KALRN: variants seen among roughly 807,000 people sequenced by gnomAD.
The protein encoded by KALRN is kalirin RhoGEF kinase.
Under a neutral mutation model 353.7 loss-of-function variants are expected in KALRN, and 70 were observed. The ratio of observed to expected loss-of-function variants is 0.20; its 90% CI spans 0.16 to 0.24. The LOEUF (loss-of-function observed/expected upper bound fraction) is 0.24. Among genes scored for constraint, KALRN ranks in the 10% least tolerant of loss-of-function variants. The pLI is 1.00. For missense variants in KALRN, 2,791 were observed against 3,756.7 expected, an observed-to-expected ratio of 0.74 and a Z score of 6.72; for synonymous variants, 1,391 against 1,434.8, an observed-to-expected ratio of 0.97 and a Z score of 0.69.
intron 1 of KALRN, among the ~76,000 whole-genome samples, chr3:124,034,149 GC>G (rs1266484493): frequency 1.3e-5 from 2 of 151,936 alleles, no homozygotes; most frequent in Non-Finnish European, 2.9e-5. Context: ...CGCCGCTCCG[GC>G]TACCGGCGTC....
At chr3:124,397,487 A>G (rs958923573) in intron 12 of KALRN, among the ~76,000 whole-genome samples, 1 of 152,176 alleles carries the variant, frequency 6.6e-6, no homozygotes, top group South Asian at 2.1e-4. Context: ...ATTGGAAGTA[A>G]ATGATTTTCC....
intron 34 of KALRN, among the ~76,000 whole-genome samples, chr3:124,609,383 A>G (rs2077687565): frequency 6.6e-6 from 1 of 152,132 alleles, no homozygotes; most frequent in African/African-American, 2.4e-5. Context: ...TGAGCCTGAT[A>G]GTTTGGGGGT....
At position 124,713,164 on chromosome 3, in the gene KALRN, C is replaced by T. The variant is rs372042296; in HGVS notation, c.8276+29C>T. 57 of 1,566,182 alleles carry T rather than the reference C, an allele frequency of 3.6e-5. No homozygotes were observed. In the African/African-American group the frequency reaches 5.4e-4, roughly 15 times the overall value. Reference sequence around the variant, plus strand: ...AGTACAGACGCCATCTCTCTAAAGTCGCCTGCATCCATTTAGGTTAGCTTT... The same window carrying T: ...AGTACAGACGCCATCTCTCTAAAGTTGCCTGCATCCATTTAGGTTAGCTTT... On this transcript the variant is annotated intron_variant, in intron 58 of 59. Transcript: ENST00000682506.
chr3:124,540,353 C>G (rs933490587), intron 33 of KALRN, among the ~76,000 whole-genome samples: 2 of 152,090 alleles, frequency 1.3e-5, no homozygotes, highest in African/African-American at 4.8e-5. Flanking sequence ...GCGCCCAGGT[C>G]TATATATAAA....
At chr3:124,690,427 A>T (rs2061753974) in intron 51 of KALRN, among the ~76,000 whole-genome samples, 1 of 152,178 alleles carries the variant, frequency 6.6e-6, no homozygotes, top group Non-Finnish European at 1.5e-5. Context: ...TAGAAAAAAA[A>T]CATTAGTGTG....
intron 33 of KALRN, among the ~76,000 whole-genome samples, chr3:124,530,290 T>C (rs542402385): frequency 3.3e-4 from 50 of 152,348 alleles, no homozygotes; most frequent in Non-Finnish European, 5.0e-4. Flanking sequence ...CCATGTAGGA[T>C]AGGAATAGCT....
intron 15 of KALRN, among the ~76,000 whole-genome samples, chr3:124,425,690 TTTAA>T (rs766247799): frequency 1.7e-4 from 26 of 152,356 alleles, no homozygotes; most frequent in Non-Finnish European, 3.2e-4. Context: ...GTTCCTGGGT[TTTAA>T]TTTATTTTTC....
At chr3:124,460,320 T>A (rs1208675733) in intron 23 of KALRN, among the ~76,000 whole-genome samples, 4 of 152,216 alleles carry the variant, frequency 2.6e-5, no homozygotes, top group Admixed American at 1.3e-4. Context: ...TCCTCCTTGG[T>A]TCCTTCTGTG....
intron 9 of KALRN, among the ~76,000 whole-genome samples, chr3:124,335,340 T>G (rs568146207): frequency 2.8e-4 from 42 of 152,282 alleles, no homozygotes; most frequent in African/African-American, 8.9e-4. Flanking sequence ...TGATTACAGG[T>G]TATTCCTGAC....
At chr3:124,340,921 A>G (rs1255092968) in intron 9 of KALRN, among the ~76,000 whole-genome samples, 3 of 152,320 alleles carry the variant, frequency 2.0e-5, no homozygotes, top group Middle Eastern at 6.8e-3. Context: ...ACGCTACTGC[A>G]CTCCAGCTTG....
chr3:124,231,222 G>A lies in KALRN; in HGVS notation c.148+3158G>A, dbSNP rs541313315. 2.2e-3 allele frequency among the ~76,000 whole-genome samples: 342 copies of A among 152,326 alleles called. 1 individual carries two copies. The highest frequency in any genetic ancestry group is 7.8e-3 in the African/African-American group (326 of 41,560). On this transcript the variant is annotated intron_variant, in intron 2 of 59. Transcript: ENST00000682506. ...TGGGGCTGTCCCTCAGTGAGCCTCCGTTGTTATCCAGCACTGCCCCATTCT... is the reference window on the plus strand; with the variant it reads ...TGGGGCTGTCCCTCAGTGAGCCTCCATTGTTATCCAGCACTGCCCCATTCT...
chr3:124,063,638 C>T (rs748566617), intron 1 of KALRN, among the ~76,000 whole-genome samples: 3 of 152,184 alleles, frequency 2.0e-5, no homozygotes, highest in Admixed American at 6.5e-5. Context: ...GCAAGAAAGC[C>T]CTTCTTTCAG....
intron 34 of KALRN, among the ~76,000 whole-genome samples, chr3:124,612,524 A>G (rs1377236877): frequency 6.6e-6 from 1 of 151,702 alleles, no homozygotes; most frequent in Non-Finnish European, 1.5e-5. Context: ...TTTAATAGAG[A>G]TGGGGTTTCA....
intron 10 of KALRN, among the ~76,000 whole-genome samples, chr3:124,350,495 C>T (rs2082724839): frequency 6.6e-6 from 1 of 152,218 alleles, no homozygotes; most frequent in South Asian, 2.1e-4. Context: ...AAACCCAGGT[C>T]TGTTGGATTC....
chr3:124,430,574 C>A, intron 15 of KALRN, 82 bp from the exon 16 acceptor site: 1 of 1,530,378 alleles, frequency 6.5e-7, no homozygotes, highest in Non-Finnish European at 8.9e-7. Flanking sequence ...AGCTCTCCAA[C>A]TGAAGTCCCC....
intron 11 of KALRN, among the ~76,000 whole-genome samples, chr3:124,389,056 A>C (rs2088910403): frequency 6.6e-6 from 1 of 152,092 alleles, no homozygotes; most frequent in Admixed American, 6.5e-5. Context: ...AATCTGCTCA[A>C]CTTTTGCTAA....
chr3:124,193,252 G>A (rs570291520), intron 1 of KALRN, among the ~76,000 whole-genome samples: 2 of 152,038 alleles, frequency 1.3e-5, no homozygotes, highest in Admixed American at 6.6e-5. Flanking sequence ...GAAAGAAAGC[G>A]GGGAACTGGA....
At chr3:124,471,430 C>T (rs1461806416) in intron 25 of KALRN, among the ~76,000 whole-genome samples, 3 of 151,796 alleles carry the variant, frequency 2.0e-5, no homozygotes, top group Non-Finnish European at 4.4e-5. Context: ...GGCTTACAGG[C>T]GCCCACCACC....
At chr3:124,132,256 G>T (rs1268372340) in intron 1 of KALRN, among the ~76,000 whole-genome samples, 1 of 152,134 alleles carries the variant, frequency 6.6e-6, no homozygotes, top group African/African-American at 2.4e-5. Flanking sequence ...CCCTGTTGGA[G>T]CCCCAGGTGG....
Sources: gnomAD v4.1 joint callset for allele counts (sites outside exome capture counted in the v4.1 genomes callset) on GRCh38, gnomAD v4.1.1 for gene constraint, MANE v1.5 for transcripts, NCBI Gene and HGNC (gene_info 2026-07-23, HGNC 2026-07-21) for gene names.